IL1RAPL2: variants seen among roughly 807,000 people sequenced by gnomAD.
IL1RAPL2 encodes X-linked interleukin-1 receptor accessory protein-like 2.
IL1RAPL2 carries 3 observed loss-of-function variants against 44.1 expected under a neutral mutation model. That is an observed-to-expected ratio of 0.07 (90% CI 0.03 to 0.18). IL1RAPL2 has a LOEUF of 0.18. Among genes scored for constraint, IL1RAPL2 ranks in the 10% least tolerant of loss-of-function variants. The pLI, the probability that IL1RAPL2 is intolerant of heterozygous loss-of-function variation, is 1.00. For missense variants in IL1RAPL2, 391 were observed against 496.4 expected, an observed-to-expected ratio of 0.79 and a Z score of 2.02; for synonymous variants, 181 against 178.8, an observed-to-expected ratio of 1.01 and a Z score of -0.10.
intron 5 of IL1RAPL2, among the ~76,000 whole-genome samples, chrX:105,424,415 C>T (rs1327565409): frequency 2.7e-5 from 3 of 110,520 alleles, no homozygotes; most frequent in Admixed American, 9.6e-5. Flanking sequence ...CCATTTATCT[C>T]GGTGAGCAGA....
intron 6 of IL1RAPL2, among the ~76,000 whole-genome samples, chrX:105,508,331 T>C (rs1251690328): frequency 9.0e-6 from 1 of 111,422 alleles, no homozygotes; most frequent in Non-Finnish European, 1.9e-5. Context: ...ATCATATTGC[T>C]AAAATTAGCA....
At chrX:105,594,412 A>G (rs1005222062) in intron 6 of IL1RAPL2, among the ~76,000 whole-genome samples, 1 of 112,017 alleles carries the variant, frequency 8.9e-6, no homozygotes, top group Non-Finnish European at 1.9e-5. Context: ...CTATAAAATA[A>G]TCCAGTTGTT....
intron 1 of IL1RAPL2, among the ~76,000 whole-genome samples, chrX:104,644,963 A>G (rs1451766750): frequency 9.0e-6 from 1 of 111,657 alleles, no homozygotes; most frequent in Non-Finnish European, 1.9e-5. Flanking sequence ...TTGGCTAAAT[A>G]TAAAGGACAC....
intron 3 of IL1RAPL2, among the ~76,000 whole-genome samples, chrX:105,211,067 G>A (rs1176553022): frequency 1.8e-5 from 2 of 109,943 alleles, no homozygotes; most frequent in East Asian, 5.8e-4. Context: ...ACTGGGATAT[G>A]TTTCTGTTCT....
chrX:105,199,549 T>C (rs1238314920), intron 3 of IL1RAPL2, among the ~76,000 whole-genome samples: 1 of 111,314 alleles, frequency 9.0e-6, no homozygotes, highest in African/African-American at 3.3e-5. Flanking sequence ...AAGCCATAGA[T>C]TGTGAAGGAG....
intron 2 of IL1RAPL2, among the ~76,000 whole-genome samples, chrX:105,097,771 TCTC>T (rs2032623917): frequency 9.0e-6 from 1 of 111,325 alleles, no homozygotes. Context: ...CCCTCCTTCC[TCTC>T]CTCTAACTCT....
At chrX:105,672,925 T>C (rs1011388777) in intron 6 of IL1RAPL2, among the ~76,000 whole-genome samples, 3 of 111,319 alleles carry the variant, frequency 2.7e-5, no homozygotes, top group African/African-American at 9.8e-5. Flanking sequence ...ATTTCTGGGT[T>C]TCTGGCTTGT....
chrX:105,260,201 C>T (rs2034346459), intron 4 of IL1RAPL2, among the ~76,000 whole-genome samples: 1 of 111,997 alleles, frequency 8.9e-6, no homozygotes, highest in East Asian at 2.8e-4. Context: ...CTGTTCTAGC[C>T]CCTGGTTGCC....
chrX:105,173,685 A>G (rs1390253612), intron 2 of IL1RAPL2, among the ~76,000 whole-genome samples: 5 of 108,029 alleles, frequency 4.6e-5, no homozygotes, highest in Admixed American at 3.0e-4. Flanking sequence ...TAGCATATGG[A>G]GTTGATGTTG....
intron 6 of IL1RAPL2, among the ~76,000 whole-genome samples, chrX:105,625,018 G>T (rs993674387): frequency 1.3e-4 from 14 of 111,869 alleles, no homozygotes; most frequent in African/African-American, 4.5e-4. Flanking sequence ...ACCATAGGGT[G>T]ATCCTTCACA....
chrX:104,949,149 G>A (rs1925488014), intron 2 of IL1RAPL2, among the ~76,000 whole-genome samples: 3 of 109,799 alleles, frequency 2.7e-5, no homozygotes, highest in Non-Finnish European at 5.7e-5. Flanking sequence ...AGTCTTGGGA[G>A]AGTGTATGTG....
At chrX:104,964,833 C>G (rs1379421836) in intron 2 of IL1RAPL2, among the ~76,000 whole-genome samples, 1 of 108,339 alleles carries the variant, frequency 9.2e-6, no homozygotes, top group Non-Finnish European at 1.9e-5. Flanking sequence ...GAGAAAGGGT[C>G]TTGCTCTACT....
intron 5 of IL1RAPL2, among the ~76,000 whole-genome samples, chrX:105,429,926 T>C (rs1246097404): frequency 1.8e-5 from 2 of 111,512 alleles, no homozygotes; most frequent in Non-Finnish European, 3.8e-5. Flanking sequence ...ATCTGGTTTA[T>C]AGTAGAGAGG....
At chrX:104,920,353 T>A (rs1329904131) in intron 2 of IL1RAPL2, among the ~76,000 whole-genome samples, 2 of 110,549 alleles carry the variant, frequency 1.8e-5, no homozygotes, top group Non-Finnish European at 3.8e-5. Flanking sequence ...TGTGCTTTTT[T>A]TAATGTCCCC....
intron 2 of IL1RAPL2, among the ~76,000 whole-genome samples, chrX:104,874,561 T>G (rs909056704): frequency 7.2e-5 from 8 of 111,197 alleles, no homozygotes; most frequent in Admixed American, 9.6e-5. Flanking sequence ...AAGCTCCATT[T>G]AGAAACACAC....
At chrX:104,588,335 G>A (rs180901868) in intron 1 of IL1RAPL2, among the ~76,000 whole-genome samples, 1 of 111,094 alleles carries the variant, frequency 9.0e-6, no homozygotes, top group African/African-American at 3.3e-5. Flanking sequence ...TACAAGGCAG[G>A]AGTTTCTGGA....
At chrX:105,105,473 G>A (rs751854774) in intron 2 of IL1RAPL2, among the ~76,000 whole-genome samples, 2 of 112,539 alleles carry the variant, frequency 1.8e-5, no homozygotes, top group Non-Finnish European at 3.8e-5. Flanking sequence ...CAGAGTGCTT[G>A]CATGGCCTTT....
At chrX:105,346,438 A>G (rs1282668330) in intron 5 of IL1RAPL2, among the ~76,000 whole-genome samples, 1 of 112,391 alleles carries the variant, frequency 8.9e-6, no homozygotes, top group African/African-American at 3.2e-5. Context: ...AGTATAACTC[A>G]TGAGGAAACA....
At position 104,637,533 on chromosome X, in the gene IL1RAPL2, G is replaced by T. The variant is rs1438368146; in HGVS notation, c.-19-21362G>T. Among the ~76,000 whole-genome samples the T allele has an allele frequency of 2.7e-5, 3 of 110,114 alleles. No individual in the cohort carries two copies. The Admixed American group carries it at 2.9e-4, about 11-fold the overall frequency. Reference sequence around the variant, plus strand: ...AGAGTTTTTTTTTTTTATCATGAAGGGATGTTGAATTTTATCAAATGCTTT... The same window carrying T: ...AGAGTTTTTTTTTTTTATCATGAAGTGATGTTGAATTTTATCAAATGCTTT... On this transcript the variant is annotated intron_variant, in intron 1 of 10. Transcript: ENST00000372582.
Sources: gnomAD v4.1 joint callset for allele counts (sites outside exome capture counted in the v4.1 genomes callset) on GRCh38, gnomAD v4.1.1 for gene constraint, MANE v1.5 for transcripts, NCBI Gene and HGNC (gene_info 2026-07-23, HGNC 2026-07-21) for gene names.